The following SYT16 variants were observed in gnomAD, a reference collection of about 807,000 sequenced individuals.
SYT16 encodes synaptotagmin 16.
A neutral mutation model predicts 61.4 loss-of-function variants in SYT16; 42 were observed. The ratio of observed to expected loss-of-function variants is 0.68; its 90% CI spans 0.53 to 0.89. The LOEUF (loss-of-function observed/expected upper bound fraction) is 0.89, where lower values mean the gene tolerates loss of function less well. Ranked by LOEUF, SYT16 falls within the 40% of genes least tolerant of loss-of-function variation. The pLI is 0.00. For missense variants in SYT16, 804 were observed against 807.3 expected, an observed-to-expected ratio of 1.00 and a Z score of 0.05; for synonymous variants, 314 against 302.3, an observed-to-expected ratio of 1.04 and a Z score of -0.40.
At chr14:61,932,336 G>A (rs960127160) in intron 1 of SYT16, among the ~76,000 whole-genome samples, 17 of 152,208 alleles carry the variant, frequency 1.1e-4, no homozygotes, top group African/African-American at 4.1e-4. Flanking sequence ...TTTTCACACT[G>A]CTATAAAGAA....
chr14:61,987,044 AGT>A (rs2052345709), intron 2 of SYT16, among the ~76,000 whole-genome samples: 1 of 152,174 alleles, frequency 6.6e-6, no homozygotes, highest in Non-Finnish European at 1.5e-5. Context: ...AATTATAGTA[AGT>A]GTTAATAAGA....
intron 1 of SYT16, among the ~76,000 whole-genome samples, chr14:61,818,012 CT>C (rs2045496156): frequency 6.6e-6 from 1 of 152,182 alleles, no homozygotes; most frequent in Admixed American, 6.5e-5. Flanking sequence ...AATGAAAGCA[CT>C]GAGCTATTAA....
At position 61,832,390 on chromosome 14, in the gene SYT16, A is replaced by ATG. The variant is rs1464129813; in HGVS notation, c.-325+19580_-325+19581insTG. 29 of 534,270 alleles carry ATG rather than the reference A, an allele frequency of 5.4e-5. No homozygotes were observed. In the African/African-American group the frequency reaches 5.6e-4, roughly 10 times the overall value. 33.1% of individuals were successfully genotyped at this position (534,270 alleles called of 1,614,324 possible). On this transcript the variant is annotated intron_variant, in intron 1 of 7. Coordinates refer to ENST00000683842, the MANE Select transcript of SYT16 (RefSeq NM_001367656.1). ...AACATTCTGCCGCAGCTGCCCCACC[A>ATG]CCGCCGCCCTCTATGCCCGGTGTCC...
intron 1 of SYT16, among the ~76,000 whole-genome samples, chr14:61,920,774 C>T (rs138949528): frequency 5.6e-4 from 85 of 152,298 alleles, no homozygotes; most frequent in Admixed American, 1.9e-3. Flanking sequence ...GTCAGACTCT[C>T]GTTTAAGCTT....
chr14:61,869,511 A>G (rs1047408139), intron 1 of SYT16, among the ~76,000 whole-genome samples: 3 of 152,148 alleles, frequency 2.0e-5, no homozygotes, highest in Non-Finnish European at 2.9e-5. Flanking sequence ...ATTTCCACAT[A>G]TTTTAAGAAA....
intron 3 of SYT16, among the ~76,000 whole-genome samples, chr14:62,065,154 A>T (rs2056007700): frequency 6.6e-6 from 1 of 152,314 alleles, no homozygotes; most frequent in South Asian, 2.1e-4. Flanking sequence ...TGGAAGCAGG[A>T]GAGCTCCCTG....
chr14:61,854,730 G>A (rs17099270), intron 1 of SYT16, among the ~76,000 whole-genome samples: 2,219 of 152,272 alleles, frequency 0.015, 65 homozygotes, highest in African/African-American at 0.051. Context: ...CGCATCACTC[G>A]TGGTTATTCT....
At chr14:61,856,185 T>C (rs887407923) in intron 1 of SYT16, among the ~76,000 whole-genome samples, 1 of 152,160 alleles carries the variant, frequency 6.6e-6, no homozygotes, top group Admixed American at 6.5e-5. Context: ...TTGAATGAGA[T>C]CTGAAGCTAT....
chr14:62,040,736 A>G (rs2054695600), intron 3 of SYT16, among the ~76,000 whole-genome samples: 1 of 152,130 alleles, frequency 6.6e-6, no homozygotes, highest in Non-Finnish European at 1.5e-5. Context: ...TAAAAAATAT[A>G]TTATTTTTAG....
chr14:62,062,361 A>G (rs1179480863), intron 3 of SYT16, among the ~76,000 whole-genome samples: 1 of 152,198 alleles, frequency 6.6e-6, no homozygotes, highest in African/African-American at 2.4e-5. Flanking sequence ...TTAATGTGTC[A>G]GAGTCTTCCT....
chr14:62,107,576 T>C lies in SYT16; in HGVS notation c.*6869T>C, dbSNP rs905284875. ...AATATTCTTTTTAAAAACTAGAGTC[T>C]GATAAGAAATCTAGGTAAATAATAA... On this transcript the variant is annotated 3_prime_UTR_variant, in exon 8 of 8. Transcript: ENST00000683842. 1.3e-5 allele frequency: 2 copies of C among 152,214 alleles called. No individual in the cohort carries two copies. The highest frequency in any genetic ancestry group is 1.3e-4 in the Admixed American group (2 of 15,278). 9.4% of individuals were successfully genotyped at this position (152,214 alleles called of 1,614,324 possible). A position where few individuals can be genotyped will look rare whatever the true frequency, so the allele number is the denominator to read the frequency against.
chr14:61,982,374 G>T (rs1403778387), intron 2 of SYT16, among the ~76,000 whole-genome samples: 1 of 152,114 alleles, frequency 6.6e-6, no homozygotes, highest in Non-Finnish European at 1.5e-5. Flanking sequence ...GACTGGGGAG[G>T]CCTCACAATC....
At chr14:61,879,838 C>T (rs2047633725) in intron 1 of SYT16, among the ~76,000 whole-genome samples, 1 of 152,236 alleles carries the variant, frequency 6.6e-6, no homozygotes, top group Admixed American at 6.5e-5. Context: ...GCCCTTGACA[C>T]TGCCTGGCAA....
intron 1 of SYT16, chr14:61,831,924 C>T (rs946079285): frequency 6.3e-5 from 33 of 522,992 alleles, no homozygotes; most frequent in Non-Finnish European, 1.1e-4. Context: ...AGGGGTTCAC[C>T]TCATGTCCAG....
intron 1 of SYT16, among the ~76,000 whole-genome samples, chr14:61,935,331 C>A (rs780044568): frequency 6.6e-6 from 1 of 152,190 alleles, no homozygotes; most frequent in African/African-American, 2.4e-5. Flanking sequence ...CATTCTGGCC[C>A]TTTTCATGTC....
chr14:62,012,826 C>T (rs2053522565), intron 3 of SYT16, among the ~76,000 whole-genome samples: 1 of 152,118 alleles, frequency 6.6e-6, no homozygotes, highest in Non-Finnish European at 1.5e-5. Flanking sequence ...ATTTTGGTTA[C>T]AAGCTAAATC....
rs758851170 is a variant in SYT16 at position 62,080,826 on chromosome 14, TGCAACA to T, written c.994-6_994-1del. ...TCCATTTCTAATTGTTTCCTCTGCC[TGCAACA>T]GGAACAGGACAGGACCAATTTGCAG... On this transcript the variant is annotated splice_acceptor_variant and splice_polypyrimidine_tract_variant and intron_variant, in intron 5 of 7. Transcript: ENST00000683842. LOFTEE classifies it high-confidence loss of function. 3.2e-6 allele frequency: 5 copies of T among 1,583,150 alleles called. No individual in the cohort carries two copies. In the East Asian group the frequency reaches 9.1e-5, roughly 29 times the overall value.
chr14:62,110,871 G>C lies in SYT16; in HGVS notation c.*10164G>C, dbSNP rs1334948959. 1 of 151,816 alleles carries C rather than the reference G, an allele frequency of 6.6e-6. No homozygotes were observed. The highest frequency in any genetic ancestry group is 1.5e-5 in the Non-Finnish European group (1 of 67,884). The allele number at this position is 151,816 out of a possible 1,614,324, so 9.4% of individuals were successfully genotyped here. On this transcript the variant is annotated 3_prime_UTR_variant, in exon 8 of 8. Transcript: ENST00000683842. ...GAAAAATTCTTCCCCTGCCAAAAAA[G>C]GTCCTTCAATCTCCTTTATTATTTT...
intron 1 of SYT16, among the ~76,000 whole-genome samples, chr14:61,907,580 A>C (rs946675064): frequency 1.2e-4 from 18 of 152,176 alleles, no homozygotes; most frequent in African/African-American, 4.3e-4. Context: ...TGGAGGCCAC[A>C]GTTGCTCACC....
Sources: gnomAD v4.1 joint callset for allele counts (sites outside exome capture counted in the v4.1 genomes callset) on GRCh38, gnomAD v4.1.1 for gene constraint, MANE v1.5 for transcripts, NCBI Gene and HGNC (gene_info 2026-07-23, HGNC 2026-07-21) for gene names.